Variants in PRRX2 observed in about 807,000 individuals in gnomAD.
PRRX2 encodes paired related homeobox 2, also known as paired mesoderm homeobox protein 2.
A neutral mutation model predicts 18.0 loss-of-function variants in PRRX2; 11 were observed. The observed-to-expected ratio is 0.61, with a 90% CI of 0.39 to 1.01. The LOEUF is 1.01. Among genes scored for constraint, PRRX2 ranks in the 50% least tolerant of loss-of-function variants. PRRX2 has a pLI of 0.01. For synonymous variants in PRRX2, 177 were observed against 154.8 expected (o/e 1.14, Z -1.06); for missense variants, 387 against 351.0 (o/e 1.10, Z -0.82).
At chr9:129,719,752 C>T (rs781699739) in intron 2 of PRRX2, among the ~76,000 whole-genome samples, 8 of 152,154 alleles carry the variant, frequency 5.3e-5, no homozygotes, top group Non-Finnish European at 8.8e-5. Flanking sequence ...TTTGAGAGGC[C>T]GAGGTGGGTG....
chr9:129,716,873 T>C (rs1011808975), intron 1 of PRRX2, among the ~76,000 whole-genome samples: 8 of 151,946 alleles, frequency 5.3e-5, no homozygotes, highest in African/African-American at 1.7e-4. Context: ...TTCCTGAAGG[T>C]AGGGGAGAGG....
chr9:129,670,216 A>T (rs754073587), intron 1 of PRRX2, among the ~76,000 whole-genome samples: 1 of 151,406 alleles, frequency 6.6e-6, no homozygotes, highest in Non-Finnish European at 1.5e-5. Flanking sequence ...GATGGACCAC[A>T]TTGTATCCGT....
intron 1 of PRRX2, among the ~76,000 whole-genome samples, chr9:129,690,516 T>TTC (rs2130918425): frequency 6.6e-6 from 1 of 151,268 alleles, no homozygotes; most frequent in South Asian, 2.1e-4. Context: ...TTTTTTTTTT[T>TTC]TTTTTTTTAA....
At chr9:129,684,008 C>T (rs1832265566) in intron 1 of PRRX2, among the ~76,000 whole-genome samples, 1 of 152,176 alleles carries the variant, frequency 6.6e-6, no homozygotes, top group Admixed American at 6.5e-5. Flanking sequence ...CAGAGAGGGA[C>T]CCATGACCCT....
At chr9:129,711,399 C>CTTTTTTT (rs897807963) in intron 1 of PRRX2, among the ~76,000 whole-genome samples, 7 of 85,024 alleles carry the variant, frequency 8.2e-5, no homozygotes, top group Non-Finnish European at 1.1e-4. Context: ...GTGAGATTCT[C>CTTTTTTT]TTTTTTTTTT....
intron 1 of PRRX2, among the ~76,000 whole-genome samples, chr9:129,680,287 A>G (rs13293582): frequency 0.023 from 3,529 of 151,578 alleles, 64 homozygotes; most frequent in Middle Eastern, 0.066. Context: ...TGTAATCCCA[A>G]CTACTCCGGA....
intron 1 of PRRX2, among the ~76,000 whole-genome samples, chr9:129,703,292 G>A (rs912233221): frequency 2.0e-5 from 3 of 152,192 alleles, no homozygotes; most frequent in Admixed American, 1.3e-4. Flanking sequence ...GAGTCTGAAC[G>A]GTCTCTGCGC....
At chr9:129,710,827 G>T (rs1456078990) in intron 1 of PRRX2, among the ~76,000 whole-genome samples, 3 of 152,130 alleles carry the variant, frequency 2.0e-5, no homozygotes, top group East Asian at 3.9e-4. Flanking sequence ...CAGCCTAGAA[G>T]CCCCGGGATC....
intron 1 of PRRX2, among the ~76,000 whole-genome samples, chr9:129,710,925 G>A (rs1229924841): frequency 1.3e-5 from 2 of 152,014 alleles, no homozygotes; most frequent in Non-Finnish European, 2.9e-5. Context: ...ATGTTGTTGA[G>A]CTCTCTCTGT....
At chr9:129,710,966 G>A (rs192594968) in intron 1 of PRRX2, among the ~76,000 whole-genome samples, 1 of 152,250 alleles carries the variant, frequency 6.6e-6, no homozygotes, top group East Asian at 1.9e-4. Flanking sequence ...ACCCTCACAG[G>A]GCTTGGGGCT....
chr9:129,678,051 C>CCTCCAGG (rs1202563261), intron 1 of PRRX2, among the ~76,000 whole-genome samples: 1 of 150,948 alleles, frequency 6.6e-6, no homozygotes, highest in Non-Finnish European at 1.5e-5. Context: ...ACAACCTCCG[C>CCTCCAGG]CTCCAGGGTT....
chr9:129,722,557 C>A lies in PRRX2; in HGVS notation c.*205C>A, dbSNP rs911982990. The A allele has an allele frequency of 1.3e-5, 6 of 477,200 alleles. No individual in the cohort carries two copies. Among genetic ancestry groups the A allele is most frequent in the Non-Finnish European group, 1.3e-5 (4 of 299,764 alleles). The allele number at this position is 477,200 out of a possible 1,614,324, so 29.6% of individuals were successfully genotyped here. On this transcript the variant is annotated 3_prime_UTR_variant, in exon 4 of 4. Transcript: ENST00000372469. ...GCCACCAGAGACTGCAGCCCACAAC[C>A]CTTGGAGGGGTTGGGCCGGAAGGTG...
intron 1 of PRRX2, among the ~76,000 whole-genome samples, chr9:129,702,020 GA>G (rs1381664814): frequency 6.6e-6 from 1 of 152,136 alleles, no homozygotes; most frequent in East Asian, 1.9e-4. Context: ...AGAATCGCTT[GA>G]ACCCGGGAGG....
At chr9:129,693,291 TA>T (rs908407989) in intron 1 of PRRX2, among the ~76,000 whole-genome samples, 1 of 152,110 alleles carries the variant, frequency 6.6e-6, no homozygotes, top group African/African-American at 2.4e-5. Context: ...GATAGTCTTT[TA>T]AAAAAAATAG....
intron 1 of PRRX2, among the ~76,000 whole-genome samples, chr9:129,708,803 C>G (rs372462924): frequency 6.6e-6 from 1 of 152,158 alleles, no homozygotes; most frequent in South Asian, 2.1e-4. Flanking sequence ...TGGAGTGAGC[C>G]GCTCCTTCAT....
intron 1 of PRRX2, among the ~76,000 whole-genome samples, chr9:129,686,037 T>C (rs117095434): frequency 1.4e-3 from 215 of 152,288 alleles, no homozygotes; most frequent in Middle Eastern, 3.4e-3. Context: ...GGGAAAAGTC[T>C]TCCAGCCAGG....
intron 1 of PRRX2, among the ~76,000 whole-genome samples, chr9:129,683,720 G>C (rs746071598): frequency 2.2e-4 from 33 of 152,110 alleles, no homozygotes; most frequent in Non-Finnish European, 2.2e-4. Context: ...GGGCGACAGA[G>C]CGAGACTCCA....
rs781060799 is a variant in PRRX2, at chr9:129,719,347, A to G, written c.376A>G (p.Thr126Ala). 6 of 1,592,324 alleles carry G rather than the reference A, an allele frequency of 3.8e-6. No individual in the cohort carries two copies. The African/African-American group carries it at 5.4e-5, about 14-fold the overall frequency. ...GGCGCTGGAGCGCGTGTTCGAGCGC[A>G]CGCACTACCCCGACGCCTTTGTGCG... is the stretch of plus-strand genomic sequence containing the variant. ...LQALERVFER[T>A]HYPDAFVREE... The change falls in exon 2 of 4, where the codon ACG (threonine) becomes GCG (alanine). Residue 126 changes from threonine (T) to alanine (A), a missense_variant. Physicochemically the swap from Thr to Ala is moderately conservative, Grantham distance 58. Coordinates refer to ENST00000372469, the MANE Select transcript of PRRX2 (RefSeq NM_016307.4).
chr9:129,706,918 C>T (rs567505850), intron 1 of PRRX2, among the ~76,000 whole-genome samples: 1 of 152,304 alleles, frequency 6.6e-6, no homozygotes, highest in Admixed American at 6.5e-5. Flanking sequence ...AGTCTACCTC[C>T]ATCTCTATGG....
Sources: allele counts gnomAD v4.1 joint callset (sites outside exome capture counted in the v4.1 genomes callset), GRCh38; gene constraint gnomAD v4.1.1; transcripts MANE v1.5; gene names NCBI Gene and HGNC (gene_info 2026-07-23, HGNC 2026-07-21).